VTI1A: variants seen among roughly 807,000 people sequenced by gnomAD.
VTI1A encodes vesicle transport through interaction with t-SNAREs homolog 1A.
Under a neutral mutation model 34.9 loss-of-function variants are expected in VTI1A, and 22 were observed. The ratio of observed to expected loss-of-function variants is 0.63; its 90% CI spans 0.45 to 0.90. VTI1A has a LOEUF of 0.90. VTI1A is among the 40% of genes least tolerant of loss of function. VTI1A has a pLI of 0.00. For synonymous variants in VTI1A, 87 were observed against 97.3 expected (o/e 0.89, Z 0.62); for missense variants, 268 against 275.6 (o/e 0.97, Z 0.20).
intron 7 of VTI1A, among the ~76,000 whole-genome samples, chr10:112,790,220 A>G (rs1852415463): frequency 6.6e-6 from 1 of 152,100 alleles, no homozygotes; most frequent in Admixed American, 6.5e-5. Context: ...CAGAGATTGT[A>G]TTCAAAAACC....
chr10:112,813,417 G>A (rs1201412589), intron 7 of VTI1A, among the ~76,000 whole-genome samples: 1 of 152,162 alleles, frequency 6.6e-6, no homozygotes, highest in African/African-American at 2.4e-5. Flanking sequence ...GAGTTTTCAT[G>A]CTTTTAATCT....
chr10:112,721,768 T>C (rs576838874), intron 7 of VTI1A, among the ~76,000 whole-genome samples: 10 of 152,214 alleles, frequency 6.6e-5, no homozygotes, highest in Admixed American at 2.0e-4. Flanking sequence ...GTAGAAGTTA[T>C]AGGGAGGCTA....
intron 3 of VTI1A, among the ~76,000 whole-genome samples, chr10:112,509,561 A>C (rs1849541517): frequency 1.3e-5 from 2 of 152,204 alleles, no homozygotes; most frequent in Non-Finnish European, 2.9e-5. Context: ...AGAGTTTACT[A>C]ATGTTCATCT....
At chr10:112,606,250 C>G (rs1001358199) in intron 5 of VTI1A, among the ~76,000 whole-genome samples, 3 of 152,040 alleles carry the variant, frequency 2.0e-5, no homozygotes, top group African/African-American at 7.3e-5. Flanking sequence ...GCCTCGAACT[C>G]CTGACCTCAG....
the VTI1A span, among the ~76,000 whole-genome samples, chr10:112,828,288 T>C: frequency 6.6e-6 from 1 of 152,202 alleles, no homozygotes; most frequent in African/African-American, 2.4e-5. Flanking sequence ...AATTCCATAC[T>C]GTAGCTCCAG....
intron 5 of VTI1A, among the ~76,000 whole-genome samples, chr10:112,606,674 G>T (rs927314358): frequency 6.6e-6 from 1 of 152,114 alleles, no homozygotes; most frequent in Non-Finnish European, 1.5e-5. Flanking sequence ...TAGCTCAGCT[G>T]CCCACTAGTT....
chr10:112,808,090 T>C (rs1008296212), intron 7 of VTI1A, among the ~76,000 whole-genome samples: 2 of 150,632 alleles, frequency 1.3e-5, no homozygotes, highest in Non-Finnish European at 3.0e-5. Context: ...CGGTGGTGCA[T>C]GCCTGTAGTC....
intron 5 of VTI1A, among the ~76,000 whole-genome samples, chr10:112,541,366 T>G (rs902571292): frequency 6.6e-6 from 1 of 152,218 alleles, no homozygotes; most frequent in African/African-American, 2.4e-5. Context: ...TCAACCAGAT[T>G]CTATGTATCC....
chr10:112,666,507 G>A (rs1162208928), intron 5 of VTI1A, among the ~76,000 whole-genome samples: 1 of 152,142 alleles, frequency 6.6e-6, no homozygotes, highest in African/African-American at 2.4e-5. Context: ...GCAAACACTT[G>A]ATGTTGATTC....
chr10:112,505,911 C>T lies in VTI1A; in HGVS notation c.265-21176C>T, dbSNP rs968104872. 3.3e-5 allele frequency among the ~76,000 whole-genome samples: 5 copies of T among 152,040 alleles called. No individual in the cohort carries two copies. In the East Asian group the frequency reaches 9.6e-4, roughly 29 times the overall value. ...AAATTTTAGTTATATAGTAGTCCCC[C>T]GTTACCTACTTTCTGTGGTTTCAGC... On this transcript the variant is annotated intron_variant, in intron 3 of 7. Coordinates refer to ENST00000393077, the MANE Select transcript of VTI1A (RefSeq NM_145206.4).
At chr10:112,751,716 A>G (rs1171952792) in intron 7 of VTI1A, among the ~76,000 whole-genome samples, 1 of 152,236 alleles carries the variant, frequency 6.6e-6, no homozygotes, top group Non-Finnish European at 1.5e-5. Flanking sequence ...CCTAGGAGTT[A>G]TAGTACTCTA....
chr10:112,845,690 C>T, the VTI1A span, among the ~76,000 whole-genome samples: 1 of 152,126 alleles, frequency 6.6e-6, no homozygotes, highest in Non-Finnish European at 1.5e-5. Flanking sequence ...GGACGAGCCC[C>T]AGGTTCTCCC....
chr10:112,700,656 A>C (rs1848979005), intron 7 of VTI1A, among the ~76,000 whole-genome samples: 1 of 152,192 alleles, frequency 6.6e-6, no homozygotes, highest in South Asian at 2.1e-4. Flanking sequence ...AACAATAATA[A>C]ATGAGTTCAT....
chr10:112,782,798 G>C (rs1852172060), intron 7 of VTI1A, among the ~76,000 whole-genome samples: 2 of 152,094 alleles, frequency 1.3e-5, no homozygotes, highest in Admixed American at 6.5e-5. Context: ...CACTTGTCAG[G>C]GGGTGTTACT....
At chr10:112,771,079 G>A (rs1851802375) in intron 7 of VTI1A, among the ~76,000 whole-genome samples, 1 of 151,872 alleles carries the variant, frequency 6.6e-6, no homozygotes, top group Non-Finnish European at 1.5e-5. Flanking sequence ...GAGCACACAC[G>A]GGCGCCCTTT....
intron 5 of VTI1A, among the ~76,000 whole-genome samples, chr10:112,633,991 A>C (rs1177767090): frequency 1.3e-5 from 2 of 152,230 alleles, no homozygotes; most frequent in South Asian, 2.1e-4. Flanking sequence ...TGGTGTATCC[A>C]AACACCTTTT....
At chr10:112,665,820 T>C (rs1206693857) in intron 5 of VTI1A, among the ~76,000 whole-genome samples, 1 of 152,176 alleles carries the variant, frequency 6.6e-6, no homozygotes, top group Non-Finnish European at 1.5e-5. Flanking sequence ...ATTTCTTCAT[T>C]CTTTCCACAG....
At chr10:112,791,833 C>CT (rs10664072) in intron 7 of VTI1A, among the ~76,000 whole-genome samples, 16,176 of 147,902 alleles carry the variant, frequency 0.11, 1,129 homozygotes, top group East Asian at 0.19. Flanking sequence ...AACAATATAA[C>CT]TTTTTTTTTT....
At chr10:112,744,172 C>A (rs1013671615) in intron 7 of VTI1A, among the ~76,000 whole-genome samples, 2 of 152,108 alleles carry the variant, frequency 1.3e-5, no homozygotes, top group African/African-American at 4.8e-5. Context: ...ATGTCCCTTG[C>A]ACATTACAGA....
Sources: gnomAD v4.1 joint callset for allele counts (sites outside exome capture counted in the v4.1 genomes callset) on GRCh38, gnomAD v4.1.1 for gene constraint, MANE v1.5 for transcripts, NCBI Gene and HGNC (gene_info 2026-07-23, HGNC 2026-07-21) for gene names.